The following DTD1 variants were observed in gnomAD, a reference collection of about 807,000 sequenced individuals.
DTD1 encodes D-tyrosyl-tRNA deacylase 1 homolog.
In DTD1, 13 loss-of-function variants were observed where a neutral mutation model predicts 25.6. The ratio of observed to expected loss-of-function variants is 0.51; its 90% CI spans 0.33 to 0.81. The LOEUF (loss-of-function observed/expected upper bound fraction) is 0.81. DTD1 is among the 30% of genes least tolerant of loss of function. DTD1 has a pLI of 0.02. For synonymous variants in DTD1, 110 were observed against 103.6 expected, an observed-to-expected ratio of 1.06 and a Z score of -0.37; for missense variants, 193 against 266.4, an observed-to-expected ratio of 0.72 and a Z score of 1.92.
chr20:18,646,713 G>A (rs1390137155), intron 4 of DTD1, among the ~76,000 whole-genome samples: 2 of 152,262 alleles, frequency 1.3e-5, no homozygotes, highest in South Asian at 2.1e-4. Context: ...CCATTCATAG[G>A]TGTGCCTTCC....
intron 4 of DTD1, among the ~76,000 whole-genome samples, chr20:18,725,365 C>G (rs373940682): frequency 1.3e-5 from 2 of 152,192 alleles, no homozygotes; most frequent in African/African-American, 4.8e-5. Context: ...TCAGTTTGGT[C>G]CAGTGTCTGA....
At chr20:18,758,555 G>T (rs2061348269) in intron 5 of DTD1, among the ~76,000 whole-genome samples, 1 of 152,188 alleles carries the variant, frequency 6.6e-6, no homozygotes, top group South Asian at 2.1e-4. Context: ...GGAGCAGGTT[G>T]TTCAGTTTCC....
At chr20:18,673,875 C>T (rs1173696367) in intron 4 of DTD1, among the ~76,000 whole-genome samples, 1 of 151,054 alleles carries the variant, frequency 6.6e-6, no homozygotes, top group Non-Finnish European at 1.5e-5. Context: ...AAAAATGTTT[C>T]TCTAAAAAAA....
chr20:18,651,780 C>T (rs1283439233), intron 4 of DTD1, among the ~76,000 whole-genome samples: 1 of 152,192 alleles, frequency 6.6e-6, no homozygotes, highest in Non-Finnish European at 1.5e-5. Flanking sequence ...TTTTAGTAGG[C>T]TCTGGCATCC....
At chr20:18,707,128 C>T (rs925300896) in intron 4 of DTD1, among the ~76,000 whole-genome samples, 5 of 152,200 alleles carry the variant, frequency 3.3e-5, no homozygotes, top group African/African-American at 1.2e-4. Flanking sequence ...AAGCAGTTAA[C>T]GTCTTTATAG....
intron 4 of DTD1, among the ~76,000 whole-genome samples, chr20:18,717,815 C>T (rs1241120937): frequency 1.3e-5 from 2 of 152,152 alleles, no homozygotes; most frequent in Non-Finnish European, 2.9e-5. Flanking sequence ...GCTAGAACTT[C>T]TCATTAACCA....
rs918596823 is a variant in DTD1 at position 18,692,566 on chromosome 20, A to G, written c.478-51534A>G. ...GGAAGAAGACAAATGCCTGCTAGCTATGGCACTGATTGAGTTGTTGCTGAG... is the reference window on the plus strand; with the variant it reads ...GGAAGAAGACAAATGCCTGCTAGCTGTGGCACTGATTGAGTTGTTGCTGAG... On this transcript the variant is annotated intron_variant, in intron 4 of 5. Transcript: ENST00000377452. Among the ~76,000 whole-genome samples the G allele has an allele frequency of 3.9e-5, 6 of 152,320 alleles. No homozygotes were observed. The South Asian group carries it at 8.3e-4, about 21-fold the overall frequency.
chr20:18,748,327 G>T (rs1244800095), intron 5 of DTD1, among the ~76,000 whole-genome samples: 4 of 152,128 alleles, frequency 2.6e-5, no homozygotes, highest in African/African-American at 7.2e-5. Flanking sequence ...TTAATGTCTT[G>T]ATTTTTGCTT....
chr20:18,708,444 C>T (rs1251212735), intron 4 of DTD1, among the ~76,000 whole-genome samples: 1 of 143,068 alleles, frequency 7.0e-6, no homozygotes, highest in East Asian at 2.0e-4. Context: ...CAACCTTCAC[C>T]TCCCTGGTTC....
chr20:18,631,371 G>A, intron 4 of DTD1: 1 of 985,642 alleles, frequency 1.0e-6, no homozygotes, highest in Non-Finnish European at 1.2e-6. Flanking sequence ...CTCGGCTGTG[G>A]GTCTAGACTG....
intron 4 of DTD1, chr20:18,632,352 C>T: frequency 2.0e-6 from 2 of 985,420 alleles, no homozygotes; most frequent in Non-Finnish European, 2.4e-6. Flanking sequence ...GCCTCAGACC[C>T]TGAACATTGC....
intron 3 of DTD1, among the ~76,000 whole-genome samples, chr20:18,601,582 C>A (rs2122255979): frequency 6.6e-6 from 1 of 151,434 alleles, no homozygotes; most frequent in Admixed American, 6.6e-5. Flanking sequence ...GATCTGAGAA[C>A]CGGCAGACTG....
At chr20:18,725,689 G>A (rs543991700) in intron 4 of DTD1, among the ~76,000 whole-genome samples, 1 of 152,242 alleles carries the variant, frequency 6.6e-6, no homozygotes, top group African/African-American at 2.4e-5. Context: ...CAGCATTAGA[G>A]CCTAATCCCA....
chr20:18,703,014 G>A (rs944775835), intron 4 of DTD1, among the ~76,000 whole-genome samples: 4 of 152,022 alleles, frequency 2.6e-5, no homozygotes, highest in Admixed American at 1.3e-4. Context: ...TCCCACCCCC[G>A]TCTTCATCTT....
chr20:18,716,157 T>C (rs572273198), intron 4 of DTD1, among the ~76,000 whole-genome samples: 7 of 152,328 alleles, frequency 4.6e-5, no homozygotes, highest in African/African-American at 1.7e-4. Context: ...TTGCAGCAAA[T>C]GTAACCCATG....
chr20:18,759,929 C>T (rs1211508118), intron 5 of DTD1, among the ~76,000 whole-genome samples: 4 of 152,276 alleles, frequency 2.6e-5, no homozygotes, highest in East Asian at 1.9e-4. Flanking sequence ...AGGTTTTGTT[C>T]GTTTCTTTTT....
intron 4 of DTD1, among the ~76,000 whole-genome samples, chr20:18,703,544 T>A (rs192568119): frequency 7.5e-4 from 114 of 152,246 alleles, no homozygotes; most frequent in Admixed American, 5.6e-3. Context: ...GGTTGTCATT[T>A]TTCTTAAACT....
chr20:18,746,154 G>A (rs2061299153), intron 5 of DTD1, among the ~76,000 whole-genome samples: 2 of 152,154 alleles, frequency 1.3e-5, no homozygotes, highest in Non-Finnish European at 2.9e-5. Flanking sequence ...AGCCAATGGT[G>A]ATGCCAGTCG....
At chr20:18,728,041 G>A (rs1433101651) in intron 4 of DTD1, among the ~76,000 whole-genome samples, 1 of 152,182 alleles carries the variant, frequency 6.6e-6, no homozygotes, top group Non-Finnish European at 1.5e-5. Flanking sequence ...CAGGAACATT[G>A]TGAGTGTGTG....
Sources: allele counts gnomAD v4.1 joint callset (sites outside exome capture counted in the v4.1 genomes callset), GRCh38; gene constraint gnomAD v4.1.1; transcripts MANE v1.5; gene names NCBI Gene and HGNC (gene_info 2026-07-23, HGNC 2026-07-21).